SLC24A2: variants seen among roughly 807,000 people sequenced by gnomAD.
SLC24A2 encodes the protein sodium/potassium/calcium exchanger 2.
In SLC24A2, 36 loss-of-function variants were observed where a neutral mutation model predicts 62.0. The ratio of observed to expected loss-of-function variants is 0.58; its 90% CI spans 0.44 to 0.77. The LOEUF is 0.77. Among genes scored for constraint, SLC24A2 ranks in the 30% least tolerant of loss-of-function variants. The probability of loss-of-function intolerance (pLI) is 0.00; values close to 1 mark genes in which losing one functional copy is unlikely to be tolerated. For missense variants in SLC24A2, 846 were observed against 817.9 expected (o/e 1.03, Z -0.42); for synonymous variants, 358 against 294.0 (o/e 1.22, Z -2.23).
At position 19,776,846 on chromosome 9, in the gene SLC24A2, G is replaced by T. The variant is rs1475318588; in HGVS notation, c.930+9091C>A. ...CGTTGTAAATATTACAGCTCCTAAGGATAGAAATGACCAGCTAAAAATCTG... is the reference window on the plus strand; with the variant it reads ...CGTTGTAAATATTACAGCTCCTAAGTATAGAAATGACCAGCTAAAAATCTG... On this transcript the variant is annotated intron_variant, in intron 2 of 10. Coordinates refer to ENST00000341998, the MANE Select transcript of SLC24A2 (RefSeq NM_020344.4). Among the ~76,000 whole-genome samples the T allele has an allele frequency of 3.9e-5, 6 of 152,160 alleles. No homozygotes were observed. The South Asian group carries it at 8.3e-4, about 21-fold the overall frequency.
intron 4 of SLC24A2, among the ~76,000 whole-genome samples, chr9:19,612,113 TGA>T (rs1438117235): frequency 6.6e-6 from 1 of 152,088 alleles, no homozygotes; most frequent in East Asian, 1.9e-4. Context: ...GAGAATTGAG[TGA>T]GATAATGTTT....
the SLC24A2 span, among the ~76,000 whole-genome samples, chr9:19,906,234 A>C: frequency 6.6e-6 from 1 of 152,306 alleles, no homozygotes; most frequent in East Asian, 1.9e-4. Flanking sequence ...ACTACTGGGT[A>C]CATAACGAAA....
chr9:19,693,347 C>T (rs1450503447), intron 2 of SLC24A2, among the ~76,000 whole-genome samples: 7 of 152,114 alleles, frequency 4.6e-5, no homozygotes, highest in Non-Finnish European at 7.4e-5. Context: ...ATTCATTTGT[C>T]TATATATGAA....
At chr9:19,975,474 A>G in the SLC24A2 span, among the ~76,000 whole-genome samples, 3 of 152,140 alleles carry the variant, frequency 2.0e-5, no homozygotes, top group Non-Finnish European at 4.4e-5. Context: ...CCTGTGTCTG[A>G]GTTGTGGCTA....
At chr9:19,816,198 C>G in the SLC24A2 span, among the ~76,000 whole-genome samples, 2 of 151,988 alleles carry the variant, frequency 1.3e-5, no homozygotes, top group East Asian at 3.9e-4. Context: ...ACCTAGTTGG[C>G]GAGTGGCTTT....
chr9:20,164,921 G>A, the SLC24A2 span, among the ~76,000 whole-genome samples: 7 of 146,788 alleles, frequency 4.8e-5, no homozygotes, highest in African/African-American at 1.8e-4. Context: ...ACTCATAGGT[G>A]GGAATTGAAC....
At chr9:19,787,232 G>A (rs921866328) in intron 1 of SLC24A2, among the ~76,000 whole-genome samples, 9 of 152,128 alleles carry the variant, frequency 5.9e-5, no homozygotes, top group South Asian at 4.1e-4. Context: ...AACATATGTA[G>A]CACTTAGTAT....
the SLC24A2 span, among the ~76,000 whole-genome samples, chr9:20,140,360 G>A: frequency 1.3e-5 from 2 of 152,154 alleles, no homozygotes; most frequent in Non-Finnish European, 2.9e-5. Flanking sequence ...AAATCACACT[G>A]ATCAAGTGAC....
intron 2 of SLC24A2, among the ~76,000 whole-genome samples, chr9:19,717,459 A>C (rs1820891555): frequency 6.6e-6 from 1 of 152,178 alleles, no homozygotes; most frequent in Non-Finnish European, 1.5e-5. Context: ...ATGAATTTCT[A>C]ATTTTTAAAT....
chr9:20,010,125 C>A, the SLC24A2 span, among the ~76,000 whole-genome samples: 5 of 152,188 alleles, frequency 3.3e-5, no homozygotes, highest in African/African-American at 1.2e-4. Flanking sequence ...ATCAGCAATA[C>A]CATTCTCCCT....
the SLC24A2 span, among the ~76,000 whole-genome samples, chr9:19,882,506 C>G: frequency 6.6e-6 from 1 of 151,940 alleles, no homozygotes; most frequent in Non-Finnish European, 1.5e-5. Context: ...CTCCACGCCC[C>G]CCACCCACTT....
At chr9:20,185,391 C>T in the SLC24A2 span, among the ~76,000 whole-genome samples, 1 of 152,068 alleles carries the variant, frequency 6.6e-6, no homozygotes, top group East Asian at 1.9e-4. Flanking sequence ...ACAGGCCAGG[C>T]ATCGCGGCTC....
At chr9:19,961,825 TG>T in the SLC24A2 span, among the ~76,000 whole-genome samples, 126 of 152,322 alleles carry the variant, frequency 8.3e-4, no homozygotes, top group Admixed American at 2.5e-3. Flanking sequence ...GCCCATGTGA[TG>T]AAAAACTAAA....
the SLC24A2 span, among the ~76,000 whole-genome samples, chr9:20,270,602 G>A: frequency 1.3e-5 from 2 of 152,118 alleles, no homozygotes; most frequent in Admixed American, 6.5e-5. Context: ...TTTCCCTAAG[G>A]AGCTCTGGTC....
At chr9:19,730,960 A>C (rs1346947073) in intron 2 of SLC24A2, among the ~76,000 whole-genome samples, 1 of 152,102 alleles carries the variant, frequency 6.6e-6, no homozygotes, top group Non-Finnish European at 1.5e-5. Context: ...GACCTACTTA[A>C]AACTGTCACA....
chr9:20,064,764 A>G, the SLC24A2 span, among the ~76,000 whole-genome samples: 1 of 152,222 alleles, frequency 6.6e-6, no homozygotes, highest in Non-Finnish European at 1.5e-5. Flanking sequence ...AGCAGAAATC[A>G]GGAAGAGCCA....
chr9:19,827,448 T>G, the SLC24A2 span, among the ~76,000 whole-genome samples: 6 of 152,098 alleles, frequency 3.9e-5, no homozygotes, highest in Admixed American at 2.6e-4. Flanking sequence ...GTTAGGAACA[T>G]TCAAATGAGC....
the SLC24A2 span, among the ~76,000 whole-genome samples, chr9:19,872,465 C>G: frequency 6.6e-6 from 1 of 152,336 alleles, no homozygotes; most frequent in South Asian, 2.1e-4. Context: ...GTGTTACCTT[C>G]TTTTCTATTT....
intron 2 of SLC24A2, among the ~76,000 whole-genome samples, chr9:19,707,267 G>A (rs2118569790): frequency 6.6e-6 from 1 of 152,260 alleles, no homozygotes; most frequent in South Asian, 2.1e-4. Flanking sequence ...ATAATCAATA[G>A]CTTACGAACC....
Sources: allele counts gnomAD v4.1 joint callset (sites outside exome capture counted in the v4.1 genomes callset), GRCh38; gene constraint gnomAD v4.1.1; transcripts MANE v1.5; gene names NCBI Gene and HGNC (gene_info 2026-07-23, HGNC 2026-07-21).